The following NFX1 variants were observed in gnomAD, a reference collection of about 807,000 sequenced individuals.
NFX1 encodes the protein transcriptional repressor NF-X1.
A neutral mutation model predicts 137.2 loss-of-function variants in NFX1; 69 were observed. The ratio of observed to expected loss-of-function variants is 0.50; its 90% CI spans 0.41 to 0.61. NFX1 has a LOEUF of 0.61. Among genes scored for constraint, NFX1 ranks in the 20% least tolerant of loss-of-function variants. The pLI, the probability that NFX1 is intolerant of heterozygous loss-of-function variation, is 0.00. For synonymous variants in NFX1, 495 were observed against 474.1 expected (o/e 1.04, Z -0.57); for missense variants, 1,167 against 1,391.0 (o/e 0.84, Z 2.56).
At position 33,319,026 on chromosome 9, in the gene NFX1, G is replaced by A. The variant is rs566909693; in HGVS notation, c.1805G>A (p.Ser602Asn). 1 of 1,614,202 alleles carries A rather than the reference G, an allele frequency of 6.2e-7. No homozygotes were observed. Residue 602 changes from serine (S) to asparagine (N), a missense_variant, in exon 9 of 24, where the codon AGC becomes AAC. Physicochemically the swap from Ser to Asn is conservative, Grantham distance 46. This residue lies in a region of NFX1 where 488 missense variants were observed against 691.5 expected (regional missense o/e 0.71). Transcript: ENST00000379540. ...RCCPCGQTPL[S>N]QLLELGSSSR... Reference sequence around the variant, plus strand: ...TGCCCCTGTGGCCAAACTCCTCTCAGCCAATTGCTAGAACTTGGAAGTAGT... The same window carrying A: ...TGCCCCTGTGGCCAAACTCCTCTCAACCAATTGCTAGAACTTGGAAGTAGT...
chr9:33,347,149 C>T, intron 15 of NFX1, 32 bp downstream of exon 15: 1 of 1,488,576 alleles, frequency 6.7e-7, no homozygotes, highest in Non-Finnish European at 9.3e-7. Flanking sequence ...CTCATTGTTC[C>T]AGGCAGAGGT....
intron 19 of NFX1, among the ~76,000 whole-genome samples, chr9:33,358,587 T>C (rs1823889253): frequency 6.6e-6 from 1 of 151,270 alleles, no homozygotes; most frequent in African/African-American, 2.4e-5. Context: ...GATATTTATG[T>C]GCTTCAGCAG....
Position 33,298,475 on chromosome 9 carries a change from A to C in NFX1, c.1034-2788A>C, listed in dbSNP as rs188169223. 3.4e-4 allele frequency among the ~76,000 whole-genome samples: 52 copies of C among 152,322 alleles called. No individual in the cohort carries two copies. In the East Asian group the frequency reaches 8.3e-3, roughly 24 times the overall value. Reference sequence around the variant, plus strand: ...GGGAAGAGGGATGTCATGAACTTACATTCTAAAATAATCACTTAGGGTCTG... The same window carrying C: ...GGGAAGAGGGATGTCATGAACTTACCTTCTAAAATAATCACTTAGGGTCTG... On this transcript the variant is annotated intron_variant, in intron 2 of 23. Coordinates refer to ENST00000379540, the MANE Select transcript of NFX1 (RefSeq NM_002504.6).
intron 6 of NFX1, among the ~76,000 whole-genome samples, chr9:33,312,265 T>C (rs1470635332): frequency 6.6e-6 from 1 of 152,238 alleles, no homozygotes; most frequent in Non-Finnish European, 1.5e-5. Context: ...TGTCACTTAC[T>C]GGTTGTTGAT....
At chr9:33,335,190 T>A (rs1822952576) in intron 11 of NFX1, among the ~76,000 whole-genome samples, 1 of 152,102 alleles carries the variant, frequency 6.6e-6, no homozygotes, top group South Asian at 2.1e-4. Context: ...TTCTCTGTCT[T>A]ACATTTTTTC....
chr9:33,362,947 GC>G (rs1311762831), intron 19 of NFX1, among the ~76,000 whole-genome samples: 2 of 151,602 alleles, frequency 1.3e-5, no homozygotes, highest in Non-Finnish European at 2.9e-5. Context: ...CAGGTGATCC[GC>G]CCGCCTCGGC....
At chr9:33,302,565 AGTCTT>A (rs1821610983) in intron 3 of NFX1, among the ~76,000 whole-genome samples, 2 of 150,600 alleles carry the variant, frequency 1.3e-5, no homozygotes, top group Admixed American at 6.6e-5. Flanking sequence ...TGTGTTGCCC[AGTCTT>A]GTCTTGAACT....
In NFX1 at chr9:33,344,112, C is replaced by T. The variant is rs767206663; in HGVS notation, c.2268C>T (p.Tyr756=). 1.3e-5 allele frequency: 21 copies of T among 1,613,952 alleles called. No individual in the cohort carries two copies. Among genetic ancestry groups the T allele is most frequent in the Admixed American group, 1.7e-5 (1 of 60,004 alleles). ...LTCHCGASVI[Y]PPVPCGTRPP... ...GCCATTGTGGTGCATCAGTGATTTA[C>T]CCTCCAGTTCCCTGTGGTACTAGGC... Residue 756 remains tyrosine, a synonymous_variant, in exon 14 of 24, where the codon TAC becomes TAT. Coordinates refer to ENST00000379540, the MANE Select transcript of NFX1 (RefSeq NM_002504.6).
At chr9:33,346,997 A>T in intron 14 of NFX1, 41 bp from the exon 15 acceptor site, 1 of 1,516,394 alleles carries the variant, frequency 6.6e-7, no homozygotes, top group Non-Finnish European at 9.1e-7. Context: ...ACATGGCTTT[A>T]TTTAGAAAGT....
chr9:33,290,841 C>T (rs1821132014), intron 1 of NFX1, among the ~76,000 whole-genome samples: 2 of 152,340 alleles, frequency 1.3e-5, no homozygotes, highest in East Asian at 1.9e-4. Context: ...CGCTGCGAGT[C>T]GATGTGGGTG....
rs181389399 is a variant in NFX1 at position 33,347,858 on chromosome 9, G to A, written c.2424+741G>A. The A allele has an allele frequency of 6.1e-5, 10 of 163,084 alleles. No individual in the cohort carries two copies. In the South Asian group the frequency reaches 1.1e-3, roughly 17 times the overall value. The allele number at this position is 163,084 out of a possible 1,614,324, so 10.1% of individuals were successfully genotyped here. On this transcript the variant is annotated intron_variant, in intron 15 of 23. Coordinates refer to ENST00000379540, the MANE Select transcript of NFX1 (RefSeq NM_002504.6). ...CATGGAATACTACTCAGCCAGGAACGAAATAATGGCATTCACAGCAACCTG... is the reference window on the plus strand; with the variant it reads ...CATGGAATACTACTCAGCCAGGAACAAAATAATGGCATTCACAGCAACCTG...
At chr9:33,344,264 A>G in intron 14 of NFX1, 76 bp downstream of exon 14, 1 of 1,590,206 alleles carries the variant, frequency 6.3e-7, no homozygotes, top group South Asian at 1.1e-5. Flanking sequence ...TACTGTCTTC[A>G]CTGCTCTAGA....
chr9:33,303,885 T>C (rs1413157192), intron 4 of NFX1, among the ~76,000 whole-genome samples: 1 of 152,224 alleles, frequency 6.6e-6, no homozygotes, highest in African/African-American at 2.4e-5. Context: ...TGTTGATTTT[T>C]CAGATTTTGT....
At chr9:33,335,051 A>G (rs1399784762) in intron 11 of NFX1, among the ~76,000 whole-genome samples, 1 of 151,880 alleles carries the variant, frequency 6.6e-6, no homozygotes, top group Non-Finnish European at 1.5e-5. Context: ...CTCAAATATC[A>G]TTTCACCCAT....
intron 3 of NFX1, among the ~76,000 whole-genome samples, chr9:33,302,563 C>T (rs1255584992): frequency 6.6e-6 from 1 of 151,578 alleles, no homozygotes; most frequent in Non-Finnish European, 1.5e-5. Flanking sequence ...GCTGTGTTGC[C>T]CAGTCTTGTC....
At chr9:33,325,402 G>A (rs1016917768) in intron 9 of NFX1, among the ~76,000 whole-genome samples, 5 of 128,194 alleles carry the variant, frequency 3.9e-5, no homozygotes, top group African/African-American at 1.3e-4. Flanking sequence ...GGTGGCTCAC[G>A]CCTGTAATCC....
chr9:33,351,922 G>C (rs1395567754), intron 16 of NFX1, 132 bp downstream of exon 16: 1 of 786,950 alleles, frequency 1.3e-6, no homozygotes, highest in East Asian at 2.9e-5. Flanking sequence ...CCACAAGTTA[G>C]AGAAAGGTAG....
At chr9:33,330,019 C>T (rs933278262) in intron 10 of NFX1, among the ~76,000 whole-genome samples, 4 of 152,162 alleles carry the variant, frequency 2.6e-5, no homozygotes, top group Admixed American at 2.6e-4. Flanking sequence ...GTCTTGAACT[C>T]CTGACCTCAG....
At chr9:33,297,555 C>CA (rs1821401586) in intron 2 of NFX1, among the ~76,000 whole-genome samples, 1 of 152,218 alleles carries the variant, frequency 6.6e-6, no homozygotes, top group Non-Finnish European at 1.5e-5. Flanking sequence ...GTTCTCTGCT[C>CA]AGTGTCTCCA....
Sources: gnomAD v4.1 joint callset for allele counts (sites outside exome capture counted in the v4.1 genomes callset) on GRCh38, gnomAD v4.1.1 for gene constraint, gnomAD v4.1.1 regional missense constraint, MANE v1.5 for transcripts, NCBI Gene and HGNC (gene_info 2026-07-23, HGNC 2026-07-21) for gene names.